COPB2: variants seen among roughly 807,000 people sequenced by gnomAD.
The protein encoded by COPB2 is coatomer subunit beta'.
Under a neutral mutation model 120.8 loss-of-function variants are expected in COPB2, and 16 were observed. That is an observed-to-expected ratio of 0.13 (90% CI 0.09 to 0.20). The LOEUF is 0.20. Ranked by LOEUF, COPB2 falls within the 10% of genes least tolerant of loss-of-function variation. The pLI is 1.00. For synonymous variants in COPB2, 332 were observed against 366.3 expected (o/e 0.91, Z 1.07); for missense variants, 794 against 1,076.5 (o/e 0.74, Z 3.67).
At chr3:139,385,653 T>G (rs1941906869) in intron 1 of COPB2, among the ~76,000 whole-genome samples, 1 of 152,208 alleles carries the variant, frequency 6.6e-6, no homozygotes, top group Non-Finnish European at 1.5e-5. Flanking sequence ...AATAAAAACA[T>G]TCTCTCAAGT....
intron 15 of COPB2, 93 bp downstream of exon 15, chr3:139,366,475 G>A (rs571031030): frequency 1.8e-6 from 2 of 1,132,318 alleles, no homozygotes; most frequent in Middle Eastern, 2.1e-4. Context: ...GAAATCAGTT[G>A]GCAATTAAGA....
At position 139,375,688 on chromosome 3, in the gene COPB2, ACACATTATGTAAAATGCCAAAGC is replaced by A; in HGVS notation, c.505-97_505-75del. 4.7e-6 allele frequency: 7 copies of A among 1,484,912 alleles called. No homozygotes were observed. The South Asian group carries it at 9.6e-5, about 20-fold the overall frequency. 92.0% of individuals were successfully genotyped at this position (1,484,912 alleles called of 1,614,324 possible). A position where few individuals can be genotyped will look rare whatever the true frequency, so the allele number is the denominator to read the frequency against. The stretch of plus-strand genomic sequence containing the variant: ...AAAAGGCAAATCCACCATATTTCTG[ACACATTATGTAAAATGCCAAAGC>A]CCAGGAGAGAAGAGCTATCAAATTT... On this transcript the variant is annotated intron_variant, in intron 5 of 21. Transcript: ENST00000333188.
chr3:139,389,392 C>A, intron 1 of COPB2, 156 bp downstream of exon 1: 1 of 1,156,712 alleles, frequency 8.6e-7, no homozygotes, highest in Non-Finnish European at 1.1e-6. Flanking sequence ...CCGCCTTCTC[C>A]CTTCCTGGAA....
chr3:139,386,557 T>C (rs1269894841), intron 1 of COPB2, among the ~76,000 whole-genome samples: 1 of 152,168 alleles, frequency 6.6e-6, no homozygotes, highest in Admixed American at 6.5e-5. Flanking sequence ...TAACATTCCT[T>C]GCTAGTTCCC....
At chr3:139,378,229 T>A (rs766208327) in intron 4 of COPB2, 40 bp from the exon 5 acceptor site, 2 of 1,501,124 alleles carry the variant, frequency 1.3e-6, no homozygotes, top group African/African-American at 1.4e-5. Context: ...GTAATTCTAT[T>A]TTTTCACTTC....
Position 139,366,738 on chromosome 3 carries a change from T to C in COPB2, c.1714A>G (p.Arg572Gly), listed in dbSNP as rs1180214480. ...YLLGYIPKDN[R>G]LYLGDKELNI... is the part of the protein sequence containing the mutation. ...AATTCTTTATCCCCCAGATAAAGCC[T>C]GTTGTCTTTAGGAATGTAGCCTAGG... Residue 572 changes from arginine (R) to glycine (G), a missense_variant, in exon 15 of 22, where the codon AGG becomes GGG. Arg to Gly is a moderately radical substitution (Grantham distance 125). Transcript: ENST00000333188. 1 of 1,613,978 alleles carries C rather than the reference T, an allele frequency of 6.2e-7. No homozygotes were observed. The highest frequency in any genetic ancestry group is 8.5e-7 in the Non-Finnish European group (1 of 1,179,982).
intron 10 of COPB2, among the ~76,000 whole-genome samples, chr3:139,369,838 G>A (rs1256645219): frequency 1.3e-5 from 2 of 152,126 alleles, no homozygotes; most frequent in Non-Finnish European, 2.9e-5. Context: ...ACAAATTATC[G>A]TATATTCATA....
At chr3:139,366,509 T>C (rs552585094) in intron 15 of COPB2, 59 bp downstream of exon 15, 4 of 1,466,498 alleles carry the variant, frequency 2.7e-6, no homozygotes, top group Non-Finnish European at 3.7e-6. Flanking sequence ...AACTCCATAA[T>C]AATTTGCTTT....
At chr3:139,366,428 G>A in intron 15 of COPB2, 140 bp downstream of exon 15, 1 of 701,166 alleles carries the variant, frequency 1.4e-6, no homozygotes, top group South Asian at 1.9e-5. Flanking sequence ...GCTGTAATAA[G>A]TGCCTTAAAC....
At position 139,362,458 on chromosome 3, in the gene COPB2, A is replaced by G; in HGVS notation, c.1944T>C (p.Ala648=). The G allele has an allele frequency of 6.2e-7, 1 of 1,612,930 alleles. No individual in the cohort carries two copies. The highest frequency in any genetic ancestry group is 8.5e-7 in the Non-Finnish European group (1 of 1,179,440). Reference sequence around the variant, plus strand: ...CAATTTTTAACTCTCCAAGCTGAAGAGCAAGCTCAAAACGATGCTCAGGAT... The same window carrying G: ...CAATTTTTAACTCTCCAAGCTGAAGGGCAAGCTCAAAACGATGCTCAGGAT... ...STDPEHRFEL[A]LQLGELKIAY... is the part of the protein sequence containing the mutation. Residue 648 remains alanine (A), a synonymous_variant, in exon 16 of 22, where the codon GCT becomes GCC. Transcript: ENST00000333188.
intron 3 of COPB2, 79 bp from the exon 4 acceptor site, chr3:139,379,252 A>G: frequency 6.5e-7 from 1 of 1,548,904 alleles, no homozygotes; most frequent in Non-Finnish European, 8.8e-7. Flanking sequence ...GGCTCAAGGA[A>G]TAAAGTCTAT....
At chr3:139,357,990 T>C (rs577338366) in intron 21 of COPB2, 32 bp from the exon 22 acceptor site, 1 of 1,323,782 alleles carries the variant, frequency 7.6e-7, no homozygotes, top group Admixed American at 2.0e-5. Flanking sequence ...TAATTAAGTT[T>C]TACAGTACTG....
chr3:139,358,184 A>G lies in COPB2; in HGVS notation c.2625+16T>C, dbSNP rs780340327. The G allele has an allele frequency of 1.9e-6, 3 of 1,611,010 alleles. No individual in the cohort carries two copies. The Admixed American group carries it at 5.0e-5, about 27-fold the overall frequency. On this transcript the variant is annotated intron_variant, in intron 21 of 21. Transcript: ENST00000333188. ...AGATGGGGTAGAGGGAGGTTTGAGT[A>G]TGATGTCTGACCTACCTTTTCTTCT...
chr3:139,379,853 T>C (rs770517123), intron 2 of COPB2: 11 of 193,490 alleles, frequency 5.7e-5, no homozygotes, highest in Non-Finnish European at 1.1e-4. Context: ...CTCATAATTA[T>C]GTTTAGTGCC....
intron 6 of COPB2, among the ~76,000 whole-genome samples, chr3:139,375,149 T>C (rs796502258): frequency 4.6e-5 from 7 of 152,204 alleles, no homozygotes; most frequent in African/African-American, 1.4e-4. Context: ...TGGTTGGTAA[T>C]TGTTGATCTG....
At chr3:139,384,641 T>C (rs1474871714) in intron 1 of COPB2, among the ~76,000 whole-genome samples, 2 of 152,256 alleles carry the variant, frequency 1.3e-5, no homozygotes, top group African/African-American at 4.8e-5. Context: ...AACTGCTTTA[T>C]GCATACTCCC....
chr3:139,386,555 C>T (rs1941928226), intron 1 of COPB2, among the ~76,000 whole-genome samples: 1 of 152,148 alleles, frequency 6.6e-6, no homozygotes, highest in Non-Finnish European at 1.5e-5. Context: ...CTTAACATTC[C>T]TTGCTAGTTC....
intron 2 of COPB2, 76 bp downstream of exon 2, chr3:139,383,219 TATA>T: frequency 2.0e-6 from 3 of 1,517,610 alleles, no homozygotes; most frequent in Non-Finnish European, 2.7e-6. Context: ...TGGATTCTGT[TATA>T]ATATTTCTTC....
At chr3:139,384,947 C>T (rs1941886989) in intron 1 of COPB2, 1 of 152,174 alleles carries the variant, frequency 6.6e-6, no homozygotes, top group South Asian at 2.1e-4. Context: ...CTTAAGGAAT[C>T]GCAGACCACA....
Sources: gnomAD v4.1 joint callset for allele counts (sites outside exome capture counted in the v4.1 genomes callset) on GRCh38, gnomAD v4.1.1 for gene constraint, MANE v1.5 for transcripts, NCBI Gene and HGNC (gene_info 2026-07-23, HGNC 2026-07-21) for gene names.